Variants in PALM2AKAP2 observed in about 807,000 individuals in gnomAD.
PALM2AKAP2 encodes PALM2 and AKAP2 fusion.
In PALM2AKAP2, 37 loss-of-function variants were observed where a neutral mutation model predicts 71.5. That is an observed-to-expected ratio of 0.52 (90% confidence interval 0.40 to 0.68). PALM2AKAP2 has a LOEUF of 0.68. Ranked by LOEUF, PALM2AKAP2 falls within the 30% of genes least tolerant of loss-of-function variation. The pLI, the probability that PALM2AKAP2 is intolerant of heterozygous loss-of-function variation, is 0.00. For missense variants in PALM2AKAP2, 1,224 were observed against 1,191.8 expected (o/e 1.03, Z -0.40); for synonymous variants, 468 against 478.8 (o/e 0.98, Z 0.29).
chr9:110,149,531 C>G (rs184991998), intron 2 of PALM2AKAP2, among the ~76,000 whole-genome samples: 1 of 152,186 alleles, frequency 6.6e-6, no homozygotes, highest in Admixed American at 6.5e-5. Context: ...AATCCTACTC[C>G]CCCAGGAATA....
intron 1 of PALM2AKAP2, among the ~76,000 whole-genome samples, chr9:110,097,098 G>A (rs977747438): frequency 4.0e-5 from 6 of 149,230 alleles, no homozygotes; most frequent in Admixed American, 1.3e-4. Flanking sequence ...AGGACCCTGC[G>A]GCCTTCCGCA....
At chr9:110,019,533 C>G (rs559801940) in intron 7 of PALM2AKAP2, among the ~76,000 whole-genome samples, 1 of 152,116 alleles carries the variant, frequency 6.6e-6, no homozygotes, top group African/African-American at 2.4e-5. Context: ...GTAGGAAAAT[C>G]ATGAAATTAA....
At chr9:109,741,679 T>C (rs1242213639) in intron 1 of PALM2AKAP2, among the ~76,000 whole-genome samples, 2 of 152,252 alleles carry the variant, frequency 1.3e-5, no homozygotes, top group Admixed American at 6.5e-5. Flanking sequence ...GTGTTCTGTG[T>C]AAGAAATATC....
At chr9:109,728,082 A>G (rs1410652770) in intron 1 of PALM2AKAP2, among the ~76,000 whole-genome samples, 2 of 152,232 alleles carry the variant, frequency 1.3e-5, no homozygotes, top group Non-Finnish European at 2.9e-5. Flanking sequence ...TAAAATGTTA[A>G]GCTGAAGCTT....
At chr9:109,926,153 G>A (rs981345230) in intron 5 of PALM2AKAP2, among the ~76,000 whole-genome samples, 7 of 152,130 alleles carry the variant, frequency 4.6e-5, no homozygotes, top group East Asian at 3.9e-4. Flanking sequence ...TTTTCCCAGC[G>A]TCATTTGGAA....
At chr9:109,708,381 T>C (rs79963439) in intron 1 of PALM2AKAP2, among the ~76,000 whole-genome samples, 2,567 of 152,318 alleles carry the variant, frequency 0.017, 68 homozygotes, top group African/African-American at 0.057. Flanking sequence ...AAATATTGAA[T>C]TCACTCTTCA....
At chr9:110,049,808 AGCTGTGGC>A (rs1833675040) in intron 1 of PALM2AKAP2, among the ~76,000 whole-genome samples, 1 of 152,206 alleles carries the variant, frequency 6.6e-6, no homozygotes, top group African/African-American at 2.4e-5. Flanking sequence ...CGCAGCAGGG[AGCTGTGGC>A]GCTGGTGGCC....
At chr9:109,970,196 A>G (rs1588038227) in intron 6 of PALM2AKAP2, among the ~76,000 whole-genome samples, 1 of 152,220 alleles carries the variant, frequency 6.6e-6, no homozygotes, top group East Asian at 1.9e-4. Flanking sequence ...TACTTTTGTA[A>G]AGTACAATGA....
intron 7 of PALM2AKAP2, among the ~76,000 whole-genome samples, chr9:110,023,636 A>G (rs570901679): frequency 9.2e-5 from 14 of 151,754 alleles, no homozygotes; most frequent in African/African-American, 3.1e-4. Context: ...TCTAACAAGC[A>G]TTGCTTGTTT....
At chr9:109,702,913 G>A (rs1354733401) in intron 1 of PALM2AKAP2, among the ~76,000 whole-genome samples, 1 of 151,744 alleles carries the variant, frequency 6.6e-6, no homozygotes, top group African/African-American at 2.4e-5. Flanking sequence ...CCGCTTCCCA[G>A]GTTCAAGCGA....
intron 1 of PALM2AKAP2, among the ~76,000 whole-genome samples, chr9:109,655,146 A>C (rs1462767075): frequency 6.6e-6 from 1 of 152,074 alleles, no homozygotes; most frequent in Non-Finnish European, 1.5e-5. Context: ...GTACAAAAAA[A>C]TTAGCCGGGT....
intron 6 of PALM2AKAP2, among the ~76,000 whole-genome samples, chr9:110,012,781 A>G (rs1291409872): frequency 6.6e-6 from 1 of 152,190 alleles, no homozygotes; most frequent in Non-Finnish European, 1.5e-5. Flanking sequence ...GCCTTTAATA[A>G]AGGTAGTGTT....
chr9:109,666,247 C>T (rs1827483417), intron 1 of PALM2AKAP2, among the ~76,000 whole-genome samples: 1 of 152,210 alleles, frequency 6.6e-6, no homozygotes, highest in African/African-American at 2.4e-5. Context: ...GTTGGAAATG[C>T]AGAAATCACC....
At chr9:109,824,029 A>G (rs1828080518) in intron 1 of PALM2AKAP2, among the ~76,000 whole-genome samples, 1 of 152,016 alleles carries the variant, frequency 6.6e-6, no homozygotes, top group South Asian at 2.1e-4. Flanking sequence ...ATCTGGGACT[A>G]CAGGCACATA....
intron 1 of PALM2AKAP2, among the ~76,000 whole-genome samples, chr9:109,716,016 T>C (rs941834655): frequency 1.3e-5 from 2 of 152,318 alleles, no homozygotes; most frequent in East Asian, 3.9e-4. Flanking sequence ...TGGGAAATCA[T>C]AGAAGAAATG....
chr9:109,774,631 G>A (rs1041817037), intron 1 of PALM2AKAP2, among the ~76,000 whole-genome samples: 12 of 151,906 alleles, frequency 7.9e-5, no homozygotes, highest in African/African-American at 2.7e-4. Context: ...TGACTAATGG[G>A]AGGAATGTTA....
At chr9:110,034,838 C>G (rs186072231) in intron 7 of PALM2AKAP2, among the ~76,000 whole-genome samples, 1 of 151,272 alleles carries the variant, frequency 6.6e-6, no homozygotes, top group Non-Finnish European at 1.5e-5. Flanking sequence ...CTCCTGACCT[C>G]GTGAACTGCC....
intron 6 of PALM2AKAP2, among the ~76,000 whole-genome samples, chr9:110,000,733 T>C (rs1832666840): frequency 6.6e-6 from 1 of 152,232 alleles, no homozygotes; most frequent in Admixed American, 6.5e-5. Flanking sequence ...TATCTCATTG[T>C]AGTTTTGATT....
At chr9:110,081,630 C>G (rs2118701307) in intron 1 of PALM2AKAP2, among the ~76,000 whole-genome samples, 1 of 152,176 alleles carries the variant, frequency 6.6e-6, no homozygotes, top group Non-Finnish European at 1.5e-5. Context: ...CAGTCGAGGC[C>G]CCAGCACCCG....
Sources: gnomAD v4.1 joint callset for allele counts (sites outside exome capture counted in the v4.1 genomes callset) on GRCh38, gnomAD v4.1.1 for gene constraint, MANE v1.5 for transcripts, NCBI Gene and HGNC (gene_info 2026-07-23, HGNC 2026-07-21) for gene names.